Variants in STRN3 observed in about 807,000 individuals in gnomAD.
The protein encoded by STRN3 is striatin 3, also known as striatin-3.
STRN3 carries 29 observed loss-of-function variants against 95.6 expected under a neutral mutation model. The observed-to-expected ratio is 0.30, with a 90% CI of 0.23 to 0.41. The LOEUF is 0.41. Among genes scored for constraint, STRN3 ranks in the 10% least tolerant of loss-of-function variants. The pLI is 1.00. For missense variants in STRN3, 890 were observed against 972.1 expected (o/e 0.92, Z 1.12); for synonymous variants, 331 against 357.6 (o/e 0.93, Z 0.84).
At chr14:30,909,934 T>C (rs1896564987) in intron 13 of STRN3, among the ~76,000 whole-genome samples, 1 of 152,194 alleles carries the variant, frequency 6.6e-6, no homozygotes, top group Non-Finnish European at 1.5e-5. Context: ...TCCCTCAGCG[T>C]ATCTTAAAAC....
intron 1 of STRN3, among the ~76,000 whole-genome samples, chr14:31,019,169 G>A (rs1188088364): frequency 1.3e-5 from 2 of 152,072 alleles, no homozygotes; most frequent in Non-Finnish European, 2.9e-5. Flanking sequence ...TTAGCCAGGC[G>A]TGGTAGCACG....
At chr14:30,918,255 C>A (rs555522574) in intron 9 of STRN3, among the ~76,000 whole-genome samples, 2 of 152,204 alleles carry the variant, frequency 1.3e-5, no homozygotes, top group South Asian at 4.1e-4. Flanking sequence ...CACCTGTAAT[C>A]CCAGCGCCTT....
chr14:30,966,293 G>A lies in STRN3; in HGVS notation c.283-10051C>T, dbSNP rs142760040. ...TCACCATTGTTCCATCTGTAAGGGT[G>A]CACCCTTCTATACAGAAGTAACTTG... On this transcript the variant is annotated intron_variant, in intron 1 of 17. Coordinates refer to ENST00000357479, the MANE Select transcript of STRN3 (RefSeq NM_001083893.2). Among the ~76,000 whole-genome samples the A allele has an allele frequency of 5.8e-3, 882 of 152,276 alleles. 6 individuals carry two copies. The highest frequency in any genetic ancestry group is 0.02 in the African/African-American group (836 of 41,542).
chr14:30,905,343 A>G, intron 15 of STRN3, 75 bp downstream of exon 15: 1 of 1,355,936 alleles, frequency 7.4e-7, no homozygotes, highest in Non-Finnish European at 9.7e-7. Context: ...GAAAATATGA[A>G]AATTAGCTAA....
chr14:31,000,813 C>T (rs960043204), intron 1 of STRN3, among the ~76,000 whole-genome samples: 1 of 150,450 alleles, frequency 6.6e-6, no homozygotes, highest in African/African-American at 2.4e-5. Flanking sequence ...GGCTGGCACA[C>T]AGCAGGGGCT....
intron 1 of STRN3, among the ~76,000 whole-genome samples, chr14:31,012,804 G>T (rs551401362): frequency 1.6e-3 from 238 of 151,280 alleles, no homozygotes; most frequent in African/African-American, 5.1e-3. Context: ...TGAGGCAGAA[G>T]AATCACTTGA....
intron 8 of STRN3, among the ~76,000 whole-genome samples, chr14:30,923,836 C>T (rs577302868): frequency 7.2e-5 from 11 of 152,112 alleles, no homozygotes; most frequent in Non-Finnish European, 1.5e-4. Context: ...AGATTTTTAG[C>T]TGCTCTCTCA....
chr14:31,001,359 G>T (rs150301993), intron 1 of STRN3, among the ~76,000 whole-genome samples: 16 of 152,024 alleles, frequency 1.1e-4, no homozygotes, highest in African/African-American at 3.6e-4. Context: ...AACACAGCAA[G>T]ACCATCTCTA....
rs777446812 is a variant in STRN3, at chr14:30,912,069, A to G, written c.1488T>C (p.Val496=). The G allele has an allele frequency of 1.2e-6, 2 of 1,614,184 alleles. No homozygotes were observed. Among genetic ancestry groups the G allele is most frequent in the South Asian group, 2.2e-5 (2 of 91,086 alleles). Reference sequence around the variant, plus strand: ...TCAGGGTATGGTCCTCAGAAGCAGTAACCAGCACAGGTTCTACAGGATGAA... The same window carrying G: ...TCAGGGTATGGTCCTCAGAAGCAGTGACCAGCACAGGTTCTACAGGATGAA... ...LAFHPVEPVL[V]TASEDHTLKL... The change falls in exon 11 of 18, where the codon GTT becomes GTC. Residue 496 remains valine (V), a synonymous_variant. Transcript: ENST00000357479.
intron 1 of STRN3, among the ~76,000 whole-genome samples, chr14:30,980,990 T>C (rs1351556700): frequency 6.6e-6 from 1 of 151,926 alleles, no homozygotes; most frequent in Non-Finnish European, 1.5e-5. Context: ...TAATAATAAA[T>C]CCATAACACC....
chr14:31,006,933 C>A (rs983870977), intron 1 of STRN3, among the ~76,000 whole-genome samples: 4 of 150,450 alleles, frequency 2.7e-5, no homozygotes, highest in African/African-American at 7.3e-5. Flanking sequence ...GCTATAACTG[C>A]ACTTCTGAAT....
At chr14:30,918,865 T>G in intron 9 of STRN3, 101 bp downstream of exon 9, 1 of 1,214,030 alleles carries the variant, frequency 8.2e-7, no homozygotes, top group Non-Finnish European at 1.1e-6. Flanking sequence ...TCATATAAAA[T>G]GATCATCAGC....
chr14:30,930,412 T>C (rs1878473768), intron 7 of STRN3, among the ~76,000 whole-genome samples: 1 of 152,164 alleles, frequency 6.6e-6, no homozygotes, highest in Non-Finnish European at 1.5e-5. Flanking sequence ...TCTTCCTTTA[T>C]AGATTGCTAT....
rs749795342 is a variant in STRN3 at position 30,907,053 on chromosome 14, AAAAC to A, written c.1721-13_1721-10del. 13 of 1,594,784 alleles carry A rather than the reference AAAAC, an allele frequency of 8.2e-6. No individual in the cohort carries two copies. Among genetic ancestry groups the A allele is most frequent in the South Asian group, 2.3e-5 (2 of 86,728 alleles). ...AGCTAGAACATTTGGCTCTGGGGAA[AAAAC>A]AAACAAACAAAAAATTAGGTAAAAG... On this transcript the variant is annotated splice_polypyrimidine_tract_variant and intron_variant, in intron 13 of 17. Transcript: ENST00000357479.
intron 5 of STRN3, among the ~76,000 whole-genome samples, chr14:30,941,770 C>T (rs35853939): frequency 5.3e-5 from 8 of 152,130 alleles, no homozygotes; most frequent in South Asian, 2.1e-4. Context: ...GGATTACAGG[C>T]GCCTGCCACC....
intron 1 of STRN3, among the ~76,000 whole-genome samples, chr14:30,979,033 CAAAAAAAAAAAAAAAAA>C (rs10585744): frequency 3.1e-5 from 2 of 65,462 alleles, no homozygotes; most frequent in Admixed American, 4.6e-4. Context: ...GACTCCATCT[CAAAAAAAAAAAAAAAAA>C]AAAAAAAAAA....
intron 1 of STRN3, among the ~76,000 whole-genome samples, chr14:30,963,418 A>C (rs577434405): frequency 6.6e-6 from 1 of 152,292 alleles, no homozygotes; most frequent in Non-Finnish European, 1.5e-5. Context: ...ATAACTTTTT[A>C]ATTTTTTTGA....
intron 1 of STRN3, among the ~76,000 whole-genome samples, chr14:30,972,048 T>C (rs551030588): frequency 8.5e-5 from 13 of 152,132 alleles, no homozygotes; most frequent in African/African-American, 1.7e-4. Flanking sequence ...AGGGGAGGGA[T>C]TGTTAGATAT....
intron 3 of STRN3, among the ~76,000 whole-genome samples, chr14:30,952,201 T>C (rs1036273354): frequency 1.3e-5 from 2 of 152,056 alleles, no homozygotes; most frequent in African/African-American, 4.8e-5. Context: ...AATTTAAAAC[T>C]ATTGACATTT....
Sources: allele counts gnomAD v4.1 joint callset (sites outside exome capture counted in the v4.1 genomes callset), GRCh38; gene constraint gnomAD v4.1.1; transcripts MANE v1.5; gene names NCBI Gene and HGNC (gene_info 2026-07-23, HGNC 2026-07-21).